Variants in IFT43 observed in about 807,000 individuals in gnomAD.
IFT43 encodes the protein intraflagellar transport protein 43 homolog.
Under a neutral mutation model 32.3 loss-of-function variants are expected in IFT43, and 33 were observed. The ratio of observed to expected loss-of-function variants is 1.02; its 90% CI spans 0.77 to 1.37. The LOEUF is 1.37. IFT43 is among the 40% of genes most tolerant of loss of function. The probability of loss-of-function intolerance (pLI) is 0.00; values close to 1 mark genes in which losing one functional copy is unlikely to be tolerated. For missense variants in IFT43, 274 were observed against 265.9 expected, an observed-to-expected ratio of 1.03 and a Z score of -0.21; for synonymous variants, 93 against 98.2, an observed-to-expected ratio of 0.95 and a Z score of 0.31.
At chr14:76,076,474 G>A (rs559221722) in intron 5 of IFT43, 1 of 1,447,106 alleles carries the variant, frequency 6.9e-7, no homozygotes, top group South Asian at 1.2e-5. Context: ...GGCCAGATTG[G>A]GGTGTCTCCT....
intron 2 of IFT43, among the ~76,000 whole-genome samples, chr14:76,010,249 T>A (rs1319268633): frequency 6.6e-6 from 1 of 152,220 alleles, no homozygotes; most frequent in Non-Finnish European, 1.5e-5. Flanking sequence ...TGAGACCCCG[T>A]GTTTTGGGTG....
In IFT43 at chr14:76,075,754, G is replaced by A. The variant is rs541745304; in HGVS notation, c.296-6541G>A. Among the ~76,000 whole-genome samples, 19 of 152,336 alleles carry A rather than the reference G, an allele frequency of 1.2e-4. No individual in the cohort carries two copies. The South Asian group carries it at 3.9e-3, about 32-fold the overall frequency. On this transcript the variant is annotated intron_variant, in intron 5 of 8. Coordinates refer to ENST00000314067, the MANE Select transcript of IFT43 (RefSeq NM_001102564.3). ...ATGAATCCTGTCATGTGCTAAATGA[G>A]ACCAATTTCTTTCACTTAACTTCAT...
chr14:76,059,155 C>G, intron 4 of IFT43, 172 bp from the exon 5 acceptor site: 8 of 1,533,184 alleles, frequency 5.2e-6, no homozygotes, highest in Non-Finnish European at 7.0e-6. Context: ...GCCTGTGCAA[C>G]CACACACGGC....
chr14:76,030,689 C>G (rs773190966), intron 3 of IFT43, among the ~76,000 whole-genome samples: 1 of 152,112 alleles, frequency 6.6e-6, no homozygotes, highest in Non-Finnish European at 1.5e-5. Context: ...ATATATCACA[C>G]TAAGGTTCAG....
At chr14:76,017,921 T>C (rs1397446049) in intron 2 of IFT43, among the ~76,000 whole-genome samples, 3 of 152,090 alleles carry the variant, frequency 2.0e-5, no homozygotes, top group Non-Finnish European at 2.9e-5. Context: ...TATGATTTTA[T>C]TTATTTGGGT....
chr14:75,986,446 CAA>C (rs60299035), intron 1 of IFT43: 259 of 148,744 alleles, frequency 1.7e-3, no homozygotes, highest in South Asian at 5.3e-3. Flanking sequence ...TGCCTGGGTT[CAA>C]AAAAAAAAAA....
chr14:75,987,810 C>T (rs2035558664), intron 1 of IFT43, among the ~76,000 whole-genome samples: 1 of 152,172 alleles, frequency 6.6e-6, no homozygotes, highest in Non-Finnish European at 1.5e-5. Context: ...CATTTGATGG[C>T]CAAGAATTTT....
At chr14:76,025,397 A>G (rs1017290769) in intron 3 of IFT43, among the ~76,000 whole-genome samples, 4 of 152,200 alleles carry the variant, frequency 2.6e-5, no homozygotes, top group African/African-American at 4.8e-5. Flanking sequence ...ATTCAACGCT[A>G]TTTCTATTAA....
At position 76,018,690 on chromosome 14, in the gene IFT43, CT is replaced by C. The variant is rs2036235692; in HGVS notation, c.148-3636del. Among the ~76,000 whole-genome samples, 3 of 152,172 alleles carry C rather than the reference CT, an allele frequency of 2.0e-5. No individual in the cohort carries two copies. In the South Asian group the frequency reaches 6.2e-4, roughly 32 times the overall value. On this transcript the variant is annotated intron_variant, in intron 2 of 8. Coordinates refer to ENST00000314067, the MANE Select transcript of IFT43 (RefSeq NM_001102564.3). Reference sequence around the variant, plus strand: ...TTATTGTATTGGAGTCTATTTAGATCTAATAATATTTGCTTTTTATTATCTG... The same window carrying C: ...TTATTGTATTGGAGTCTATTTAGATCAATAATATTTGCTTTTTATTATCTG...
intron 3 of IFT43, among the ~76,000 whole-genome samples, chr14:76,046,511 G>T (rs2036811646): frequency 1.3e-5 from 2 of 152,086 alleles, no homozygotes; most frequent in Non-Finnish European, 2.9e-5. Context: ...CCCATCTCAG[G>T]GTGGGGATCA....
chr14:75,991,898 A>G (rs915035479), intron 2 of IFT43, among the ~76,000 whole-genome samples: 1 of 152,148 alleles, frequency 6.6e-6, no homozygotes. Flanking sequence ...CCAGATGCTC[A>G]CTGTGCTGTG....
chr14:76,007,048 G>A (rs142504755), intron 2 of IFT43, among the ~76,000 whole-genome samples: 1,868 of 152,016 alleles, frequency 0.012, 46 homozygotes, highest in African/African-American at 0.043. Context: ...TTGTAGAGAT[G>A]GGGTCTCACT....
chr14:76,032,351 T>G (rs1480521577), intron 3 of IFT43, among the ~76,000 whole-genome samples: 2 of 152,214 alleles, frequency 1.3e-5, no homozygotes, highest in Non-Finnish European at 2.9e-5. Flanking sequence ...GTGACTCTTT[T>G]AAAACATCAG....
At chr14:76,083,379 C>T (rs2037551068) in intron 8 of IFT43, 79 bp from the exon 9 acceptor site, 29 of 1,613,318 alleles carry the variant, frequency 1.8e-5, no homozygotes, top group Admixed American at 3.3e-5. Flanking sequence ...TCCCTGAGGC[C>T]TGGATGGGAG....
At chr14:76,081,416 C>T (rs1386068656) in intron 5 of IFT43, among the ~76,000 whole-genome samples, 2 of 152,200 alleles carry the variant, frequency 1.3e-5, no homozygotes, top group African/African-American at 4.8e-5. Flanking sequence ...CCACCCCTGA[C>T]CGTTTAAAAC....
At chr14:76,066,206 A>G (rs975498225) in intron 5 of IFT43, among the ~76,000 whole-genome samples, 1 of 152,210 alleles carries the variant, frequency 6.6e-6, no homozygotes, top group African/African-American at 2.4e-5. Flanking sequence ...AAAGATACCT[A>G]TTTTCAAGAA....
At chr14:76,003,774 G>GT in intron 2 of IFT43, among the ~76,000 whole-genome samples, 1 of 151,764 alleles carries the variant, frequency 6.6e-6, no homozygotes, top group African/African-American at 2.4e-5. Flanking sequence ...AGTTTGTCGG[G>GT]TTTTTGTTTT....
At chr14:76,066,597 G>T (rs1037361282) in intron 5 of IFT43, among the ~76,000 whole-genome samples, 6 of 152,208 alleles carry the variant, frequency 3.9e-5, no homozygotes, top group Non-Finnish European at 5.9e-5. Context: ...TATCCAGTGG[G>T]TGGGGAAACT....
intron 3 of IFT43, among the ~76,000 whole-genome samples, chr14:76,052,262 T>G (rs1238138634): frequency 6.6e-6 from 1 of 152,212 alleles, no homozygotes; most frequent in Non-Finnish European, 1.5e-5. Context: ...GTACTTTATC[T>G]CCATTTAGAT....
Sources: allele counts gnomAD v4.1 joint callset (sites outside exome capture counted in the v4.1 genomes callset), GRCh38; gene constraint gnomAD v4.1.1; transcripts MANE v1.5; gene names NCBI Gene and HGNC (gene_info 2026-07-23, HGNC 2026-07-21).